Variants in NKAIN2 observed in about 807,000 individuals in gnomAD.
NKAIN2 encodes the protein sodium/potassium transporting ATPase interacting 2.
NKAIN2 carries 14 observed loss-of-function variants against 32.6 expected under a neutral mutation model. That is an observed-to-expected ratio of 0.43 (90% CI 0.28 to 0.67). NKAIN2 has a LOEUF of 0.67. Among genes scored for constraint, NKAIN2 ranks in the 30% least tolerant of loss-of-function variants. The probability of loss-of-function intolerance (pLI) is 0.17; values close to 1 mark genes in which losing one functional copy is unlikely to be tolerated. For synonymous variants in NKAIN2, 80 were observed against 87.2 expected (o/e 0.92, Z 0.46); for missense variants, 198 against 258.3 (o/e 0.77, Z 1.60).
intron 1 of NKAIN2, among the ~76,000 whole-genome samples, chr6:124,276,745 C>A (rs1474427533): frequency 1.3e-5 from 2 of 152,102 alleles, no homozygotes; most frequent in African/African-American, 4.8e-5. Flanking sequence ...CCTAGAATAT[C>A]TTTAAAGTCT....
chr6:124,410,334 G>A (rs1774100324), intron 3 of NKAIN2, among the ~76,000 whole-genome samples: 1 of 152,152 alleles, frequency 6.6e-6, no homozygotes, highest in Non-Finnish European at 1.5e-5. Context: ...GGCATTTAGT[G>A]CTAAAATTTC....
intron 1 of NKAIN2, among the ~76,000 whole-genome samples, chr6:123,963,059 T>A (rs1420446561): frequency 2.0e-5 from 3 of 152,130 alleles, no homozygotes; most frequent in African/African-American, 7.2e-5. Context: ...GTACAAGAGT[T>A]GTAGAAGAGG....
intron 3 of NKAIN2, among the ~76,000 whole-genome samples, chr6:124,476,487 T>C (rs1413028539): frequency 1.3e-5 from 2 of 151,606 alleles, no homozygotes; most frequent in Non-Finnish European, 2.9e-5. Flanking sequence ...ACAGGCATGT[T>C]TAAGGCATAG....
intron 3 of NKAIN2, among the ~76,000 whole-genome samples, chr6:124,552,042 G>C (rs1780306861): frequency 6.6e-6 from 1 of 152,214 alleles, no homozygotes; most frequent in Admixed American, 6.5e-5. Context: ...AGAAGTCTCA[G>C]ATGTGGCTTC....
Position 124,107,687 on chromosome 6 carries a change from A to G in NKAIN2, c.55-175318A>G, listed in dbSNP as rs367810911. 3.3e-5 allele frequency among the ~76,000 whole-genome samples: 5 copies of G among 152,090 alleles called. No homozygotes were observed. The East Asian group carries it at 9.7e-4, about 30-fold the overall frequency. ...GAAATTTTACACTCATTGAACAGCA[A>G]TCTCTTATTTCCCCACCTCTCTTTC... On this transcript the variant is annotated intron_variant, in intron 1 of 6. Coordinates refer to ENST00000368417, the MANE Select transcript of NKAIN2 (RefSeq NM_001040214.3).
intron 3 of NKAIN2, among the ~76,000 whole-genome samples, chr6:124,622,046 G>T (rs955143133): frequency 7.9e-5 from 12 of 152,132 alleles, no homozygotes; most frequent in African/African-American, 2.9e-4. Flanking sequence ...TGGCTTAAAA[G>T]GACATAAACT....
intron 3 of NKAIN2, among the ~76,000 whole-genome samples, chr6:124,546,508 T>C (rs967574872): frequency 2.0e-5 from 3 of 151,870 alleles, no homozygotes; most frequent in Non-Finnish European, 2.9e-5. Context: ...TCTATCCATA[T>C]ATTACATATA....
intron 1 of NKAIN2, among the ~76,000 whole-genome samples, chr6:124,251,406 A>T (rs997602450): frequency 6.6e-6 from 1 of 152,030 alleles, no homozygotes; most frequent in African/African-American, 2.4e-5. Context: ...AAGAAAAGAC[A>T]TGTCAAGCCC....
rs540030072 is a variant in NKAIN2 at position 124,370,509 on chromosome 6, T to C, written c.273+15162T>C. Among the ~76,000 whole-genome samples the C allele has an allele frequency of 3.3e-5, 5 of 152,168 alleles. No individual in the cohort carries two copies. In the East Asian group the frequency reaches 9.7e-4, roughly 30 times the overall value. ...CTAGAGGAATGAGTCTAAGGGTAAT[T>C]GTAGGACTCCAGGGTTTTCACACTC... On this transcript the variant is annotated intron_variant, in intron 3 of 6. Transcript: ENST00000368417.
intron 3 of NKAIN2, among the ~76,000 whole-genome samples, chr6:124,411,721 T>G (rs576346639): frequency 1.4e-4 from 21 of 152,226 alleles, no homozygotes; most frequent in South Asian, 6.2e-4. Context: ...GAATTTGAAT[T>G]TTGGCCTGCC....
At chr6:124,734,091 AC>A (rs1776820529) in intron 4 of NKAIN2, among the ~76,000 whole-genome samples, 1 of 146,464 alleles carries the variant, frequency 6.8e-6, no homozygotes. Flanking sequence ...ACACACACAC[AC>A]AATGATGGGG....
At position 123,803,990 on chromosome 6, in the gene NKAIN2, G is replaced by C. The variant is rs980112973; in HGVS notation, c.-211G>C. 2.7e-5 allele frequency among the ~76,000 whole-genome samples: 4 copies of C among 150,016 alleles called. No homozygotes were observed. Among genetic ancestry groups the C allele is most frequent in the Non-Finnish European group, 6.0e-5 (4 of 66,676 alleles). ...CACCGAGCGAGTGAAGGTATGTGTG[G>C]CGGGCGCGGCTGGAGCTGCCGCCGC... On this transcript the variant is annotated 5_prime_UTR_variant, in exon 1 of 7. Coordinates refer to ENST00000368417, the MANE Select transcript of NKAIN2 (RefSeq NM_001040214.3).
At chr6:124,742,470 C>T (rs929463407) in intron 4 of NKAIN2, among the ~76,000 whole-genome samples, 8 of 151,716 alleles carry the variant, frequency 5.3e-5, no homozygotes, top group Non-Finnish European at 1.2e-4. Flanking sequence ...TCACTATCAC[C>T]CCCCACCCCA....
chr6:124,471,610 GAA>G (rs1376467187), intron 3 of NKAIN2, among the ~76,000 whole-genome samples: 6 of 152,022 alleles, frequency 3.9e-5, no homozygotes, highest in Admixed American at 3.3e-4. Context: ...ATGCCTTACT[GAA>G]AGAATAAATC....
chr6:124,244,197 G>A (rs993229970), intron 1 of NKAIN2, among the ~76,000 whole-genome samples: 76 of 149,406 alleles, frequency 5.1e-4, no homozygotes, highest in African/African-American at 1.6e-3. Flanking sequence ...CCACTAACTC[G>A]TCATCTAGCA....
At chr6:123,826,860 A>G (rs1376305686) in intron 1 of NKAIN2, among the ~76,000 whole-genome samples, 2 of 152,178 alleles carry the variant, frequency 1.3e-5, no homozygotes, top group East Asian at 1.9e-4. Flanking sequence ...GTGTATATCC[A>G]GAAGTGGAAT....
intron 1 of NKAIN2, among the ~76,000 whole-genome samples, chr6:124,151,491 G>A (rs900351303): frequency 3.9e-5 from 6 of 151,930 alleles, no homozygotes; most frequent in African/African-American, 1.4e-4. Context: ...ACACTTACGT[G>A]TCTGTCTTTT....
In NKAIN2 at chr6:124,305,825, C is replaced by T. The variant is rs566794496; in HGVS notation, c.192+22683C>T. Among the ~76,000 whole-genome samples, 4 of 152,278 alleles carry T rather than the reference C, an allele frequency of 2.6e-5. No homozygotes were observed. In the South Asian group the frequency reaches 6.2e-4, roughly 24 times the overall value. On this transcript the variant is annotated intron_variant, in intron 2 of 6. Coordinates refer to ENST00000368417, the MANE Select transcript of NKAIN2 (RefSeq NM_001040214.3). ...TACTCATTGCCATTTTAGCAACCTC[C>T]TGGCCCTGCTGCTGCAAACCCATGT...
intron 1 of NKAIN2, among the ~76,000 whole-genome samples, chr6:124,182,618 G>T (rs939025905): frequency 2.0e-5 from 3 of 152,042 alleles, no homozygotes; most frequent in Non-Finnish European, 4.4e-5. Flanking sequence ...AGTACCAGGT[G>T]GTTTTATTTG....
Sources: allele counts gnomAD v4.1 joint callset (sites outside exome capture counted in the v4.1 genomes callset), GRCh38; gene constraint gnomAD v4.1.1; transcripts MANE v1.5; gene names NCBI Gene and HGNC (gene_info 2026-07-23, HGNC 2026-07-21).